The following MAGI2 variants were observed in gnomAD, a reference collection of about 807,000 sequenced individuals.
MAGI2 encodes the protein membrane-associated guanylate kinase, WW and PDZ domain-containing protein 2.
A neutral mutation model predicts 133.3 loss-of-function variants in MAGI2; 35 were observed. The ratio of observed to expected loss-of-function variants is 0.26; its 90% CI spans 0.20 to 0.35. The LOEUF is 0.35. Ranked by LOEUF, MAGI2 falls within the 10% of genes least tolerant of loss-of-function variation. The pLI, the probability that MAGI2 is intolerant of heterozygous loss-of-function variation, is 1.00. For synonymous variants in MAGI2, 729 were observed against 710.6 expected, an observed-to-expected ratio of 1.03 and a Z score of -0.41; for missense variants, 1,636 against 1,863.4, an observed-to-expected ratio of 0.88 and a Z score of 2.25.
chr7:78,989,554 C>T (rs1805561536), intron 2 of MAGI2, among the ~76,000 whole-genome samples: 1 of 152,086 alleles, frequency 6.6e-6, no homozygotes, highest in Non-Finnish European at 1.5e-5. Flanking sequence ...GAGAATACAA[C>T]TCTCAACACA....
At chr7:78,031,499 T>C (rs551052027) in intron 21 of MAGI2, among the ~76,000 whole-genome samples, 16 of 152,204 alleles carry the variant, frequency 1.1e-4, no homozygotes, top group Admixed American at 3.3e-4. Context: ...TTCAAGCCTC[T>C]GTGTCCCTCA....
chr7:79,011,846 C>T (rs1322017524), intron 1 of MAGI2, among the ~76,000 whole-genome samples: 1 of 151,712 alleles, frequency 6.6e-6, no homozygotes, highest in Admixed American at 6.6e-5. Context: ...TTATCTTGTA[C>T]CACGTTCTTT....
chr7:78,604,720 G>A (rs930251489), intron 3 of MAGI2, among the ~76,000 whole-genome samples: 39 of 152,200 alleles, frequency 2.6e-4, no homozygotes, highest in African/African-American at 9.2e-4. Flanking sequence ...GCACCCGGAA[G>A]TATAAGAAAT....
At chr7:78,290,112 C>T (rs543806467) in intron 9 of MAGI2, among the ~76,000 whole-genome samples, 1 of 152,254 alleles carries the variant, frequency 6.6e-6, no homozygotes, top group East Asian at 1.9e-4. Flanking sequence ...CAATATTAAC[C>T]TTAAATGTAA....
intron 16 of MAGI2, among the ~76,000 whole-genome samples, chr7:78,151,963 C>A (rs1369044080): frequency 1.3e-5 from 2 of 151,978 alleles, no homozygotes; most frequent in African/African-American, 4.8e-5. Context: ...TTGAAAAAAA[C>A]CTATCAGGAA....
intron 20 of MAGI2, among the ~76,000 whole-genome samples, chr7:78,114,990 A>G (rs1819716695): frequency 6.6e-6 from 1 of 152,228 alleles, no homozygotes; most frequent in Non-Finnish European, 1.5e-5. Flanking sequence ...TTAAAGGTAA[A>G]TGTTACTAAC....
chr7:78,706,441 C>T (rs878881894), intron 2 of MAGI2, among the ~76,000 whole-genome samples: 1 of 151,990 alleles, frequency 6.6e-6, no homozygotes, highest in African/African-American at 2.4e-5. Context: ...TTCCCAGTTT[C>T]GGTTATGTCT....
chr7:78,311,439 G>A (rs1369185401), intron 9 of MAGI2, among the ~76,000 whole-genome samples: 1 of 152,216 alleles, frequency 6.6e-6, no homozygotes, highest in Non-Finnish European at 1.5e-5. Flanking sequence ...ACAAGAGTCT[G>A]GGTAAAGAGG....
intron 1 of MAGI2, among the ~76,000 whole-genome samples, chr7:79,439,912 C>T (rs1400690988): frequency 6.6e-6 from 1 of 152,058 alleles, no homozygotes; most frequent in African/African-American, 2.4e-5. Flanking sequence ...ACACGATTTC[C>T]AGTTTTTCAC....
chr7:79,363,480 A>G, intron 1 of MAGI2, among the ~76,000 whole-genome samples: 1 of 151,160 alleles, frequency 6.6e-6, no homozygotes, highest in Admixed American at 6.6e-5. Flanking sequence ...TAAAGTTTAT[A>G]TGGAAAGGCA....
intron 1 of MAGI2, among the ~76,000 whole-genome samples, chr7:79,450,512 G>T (rs1849167965): frequency 6.6e-6 from 1 of 152,046 alleles, no homozygotes; most frequent in Non-Finnish European, 1.5e-5. Context: ...AGTGGTTCAG[G>T]AGATGAACCA....
At chr7:79,082,424 A>G (rs1452391079) in intron 1 of MAGI2, among the ~76,000 whole-genome samples, 2 of 152,036 alleles carry the variant, frequency 1.3e-5, no homozygotes, top group Non-Finnish European at 2.9e-5. Flanking sequence ...ATCTAACTTC[A>G]TTCTCTGGCA....
chr7:78,727,084 T>C (rs1195983164), intron 2 of MAGI2, among the ~76,000 whole-genome samples: 2 of 152,228 alleles, frequency 1.3e-5, no homozygotes, highest in African/African-American at 4.8e-5. Flanking sequence ...GACATTGACT[T>C]ACCTTGGCTC....
rs191909046 is a variant in MAGI2, at chr7:78,540,546, T to G, written c.539-18901A>C. ...AAGCAGGGGTTTCAGGCTCTGCCCC[T>G]CCCCACCTGCCATGACTTATGTGCT... is the stretch of plus-strand genomic sequence containing the variant. On this transcript the variant is annotated intron_variant, in intron 3 of 21. Transcript: ENST00000354212. Among the ~76,000 whole-genome samples, 742 of 152,182 alleles carry G rather than the reference T, an allele frequency of 4.9e-3. 6 individuals carry two copies. The highest frequency in any genetic ancestry group is 7.1e-3 in the Non-Finnish European group (486 of 67,994).
At chr7:79,281,078 A>G (rs1379490134) in intron 1 of MAGI2, among the ~76,000 whole-genome samples, 3 of 152,144 alleles carry the variant, frequency 2.0e-5, no homozygotes, top group Non-Finnish European at 4.4e-5. Context: ...CCACATAAAC[A>G]TGACCAGAGA....
intron 1 of MAGI2, among the ~76,000 whole-genome samples, chr7:79,434,739 G>A (rs1848023821): frequency 6.6e-6 from 1 of 152,116 alleles, no homozygotes. Context: ...GTGTGCGACG[G>A]TCAATCTTAT....
chr7:79,240,839 G>A (rs1006516426), intron 1 of MAGI2, among the ~76,000 whole-genome samples: 1 of 151,890 alleles, frequency 6.6e-6, no homozygotes, highest in African/African-American at 2.4e-5. Context: ...AACTCTCGTT[G>A]AATTCTCTAT....
chr7:79,145,028 A>G (rs190174973), intron 1 of MAGI2, among the ~76,000 whole-genome samples: 474 of 152,174 alleles, frequency 3.1e-3, no homozygotes, highest in Middle Eastern at 6.8e-3. Flanking sequence ...CTGGGTTTGG[A>G]AATGTTTTTC....
intron 2 of MAGI2, among the ~76,000 whole-genome samples, chr7:78,922,743 T>G: frequency 6.6e-6 from 1 of 151,954 alleles, no homozygotes; most frequent in Admixed American, 6.6e-5. Flanking sequence ...GTATTTCTAG[T>G]TCTAGATCCC....
Sources: gnomAD v4.1 joint callset for allele counts (sites outside exome capture counted in the v4.1 genomes callset) on GRCh38, gnomAD v4.1.1 for gene constraint, MANE v1.5 for transcripts, NCBI Gene and HGNC (gene_info 2026-07-23, HGNC 2026-07-21) for gene names.